Variants in UBASH3B observed in about 807,000 individuals in gnomAD.
UBASH3B encodes the protein ubiquitin-associated and SH3 domain-containing protein B.
In UBASH3B, 37 loss-of-function variants were observed where a neutral mutation model predicts 83.4. The ratio of observed to expected loss-of-function variants is 0.44; its 90% CI spans 0.34 to 0.58. The LOEUF is 0.58. UBASH3B is among the 20% of genes least tolerant of loss of function. The pLI is 0.01. For synonymous variants in UBASH3B, 304 were observed against 318.3 expected, an observed-to-expected ratio of 0.96 and a Z score of 0.48; for missense variants, 657 against 827.2, an observed-to-expected ratio of 0.79 and a Z score of 2.52.
rs188572530 is a variant in UBASH3B, at chr11:122,758,973, T to C, written c.162-17246T>C. Among the ~76,000 whole-genome samples, 83 of 152,302 alleles carry C rather than the reference T, an allele frequency of 5.4e-4. No homozygotes were observed. Among genetic ancestry groups the C allele is most frequent in the African/African-American group, 1.9e-3 (80 of 41,548 alleles). The stretch of plus-strand genomic sequence containing the variant: ...GTTTTCACTTTTTATGACTCAGCAC[T>C]CTAACTTTAGTGGCTTAAAACACAC... On this transcript the variant is annotated intron_variant, in intron 1 of 13. Coordinates refer to ENST00000284273, the MANE Select transcript of UBASH3B (RefSeq NM_032873.5). This position sits in a 1 kb window ranked among gnomAD's most constrained non-coding sequence, Gnocchi z 4.2.
At chr11:122,799,397 G>A (rs1369626156) in intron 10 of UBASH3B, among the ~76,000 whole-genome samples, 1 of 150,956 alleles carries the variant, frequency 6.6e-6, no homozygotes, top group Non-Finnish European at 1.5e-5. Context: ...TGAGGCAGGA[G>A]AATTGCTTGA....
chr11:122,700,008 G>A (rs183689992), intron 1 of UBASH3B, among the ~76,000 whole-genome samples: 68 of 152,338 alleles, frequency 4.5e-4, no homozygotes, highest in African/African-American at 1.5e-3. Context: ...ACTAGAGGTC[G>A]TGTTGTTGGT....
chr11:122,683,882 TTG>T (rs1863777574), intron 1 of UBASH3B, among the ~76,000 whole-genome samples: 1 of 152,130 alleles, frequency 6.6e-6, no homozygotes, highest in African/African-American at 2.4e-5. Flanking sequence ...TGTAATTTTC[TTG>T]TTGATGACGA....
At chr11:122,714,294 C>T (rs1247080823) in intron 1 of UBASH3B, among the ~76,000 whole-genome samples, 1 of 152,212 alleles carries the variant, frequency 6.6e-6, no homozygotes, top group Non-Finnish European at 1.5e-5. Flanking sequence ...ATCAAGACTG[C>T]GCTTGAACTC....
intron 1 of UBASH3B, among the ~76,000 whole-genome samples, chr11:122,671,796 G>A (rs1166301492): frequency 1.3e-5 from 2 of 152,248 alleles, no homozygotes; most frequent in African/African-American, 2.4e-5. Flanking sequence ...GAAGACTTCC[G>A]AATGGGATGA....
rs183362757 is a variant in UBASH3B at position 122,755,893 on chromosome 11, G to A, written c.162-20326G>A. The stretch of plus-strand genomic sequence containing the variant: ...CCCATACTCACTGATTAATTTGATT[G>A]TCTGTTTCCTGGGGCTTAGAGCTAA... On this transcript the variant is annotated intron_variant, in intron 1 of 13. Transcript: ENST00000284273. Among the ~76,000 whole-genome samples the A allele has an allele frequency of 3.2e-3, 488 of 152,234 alleles. 12 individuals carry two copies. Among genetic ancestry groups the A allele is most frequent in the Admixed American group, 0.031 (478 of 15,292 alleles).
intron 1 of UBASH3B, among the ~76,000 whole-genome samples, chr11:122,752,821 T>C (rs1260071060): frequency 6.6e-6 from 1 of 152,208 alleles, no homozygotes; most frequent in African/African-American, 2.4e-5. Context: ...CATCTAACCC[T>C]TGATAGTCTC....
At chr11:122,674,521 C>T (rs1446457273) in intron 1 of UBASH3B, among the ~76,000 whole-genome samples, 2 of 152,050 alleles carry the variant, frequency 1.3e-5, no homozygotes, top group East Asian at 1.9e-4. Flanking sequence ...CCTGGGACTA[C>T]AGGCGCCCGC....
chr11:122,689,443 G>T (rs1455303445), intron 1 of UBASH3B, among the ~76,000 whole-genome samples: 1 of 152,042 alleles, frequency 6.6e-6, no homozygotes, highest in African/African-American at 2.4e-5. Context: ...TAGCAGAGTG[G>T]GATTAAAAGC....
chr11:122,712,902 T>G (rs894214037), intron 1 of UBASH3B, among the ~76,000 whole-genome samples: 3 of 89,472 alleles, frequency 3.4e-5, no homozygotes, highest in Non-Finnish European at 4.8e-5. Flanking sequence ...GGTGGTTTTT[T>G]TTTTTTTTTT....
At chr11:122,680,168 A>G (rs1337413521) in intron 1 of UBASH3B, among the ~76,000 whole-genome samples, 1 of 152,162 alleles carries the variant, frequency 6.6e-6, no homozygotes, top group Non-Finnish European at 1.5e-5. Flanking sequence ...AAACCATCTT[A>G]GCTCACAGGC....
intron 13 of UBASH3B, among the ~76,000 whole-genome samples, chr11:122,808,538 C>G (rs1205899570): frequency 2.0e-5 from 3 of 152,184 alleles, no homozygotes; most frequent in East Asian, 1.9e-4. Flanking sequence ...GAAAGCTTAA[C>G]TCAAACACAG....
intron 1 of UBASH3B, among the ~76,000 whole-genome samples, chr11:122,701,239 A>G (rs980050696): frequency 6.6e-6 from 1 of 152,222 alleles, no homozygotes; most frequent in African/African-American, 2.4e-5. Context: ...TTGGATTACA[A>G]AGAAACAAAA....
In UBASH3B at chr11:122,777,230, C is replaced by G; in HGVS notation, c.402+20C>G. The G allele has an allele frequency of 1.3e-6, 2 of 1,594,714 alleles. No homozygotes were observed. Among genetic ancestry groups the G allele is most frequent in the Non-Finnish European group, 8.6e-7 (1 of 1,169,316 alleles). ...TTTATGGTGAGCGGCAGCGCCCCCACCCCTGGGAAGCCTGGCTCCTAGGAT... is the reference window on the plus strand; with the variant it reads ...TTTATGGTGAGCGGCAGCGCCCCCAGCCCTGGGAAGCCTGGCTCCTAGGAT... On this transcript the variant is annotated intron_variant, in intron 3 of 13. Coordinates refer to ENST00000284273, the MANE Select transcript of UBASH3B (RefSeq NM_032873.5).
At chr11:122,769,834 A>T (rs564353619) in intron 1 of UBASH3B, among the ~76,000 whole-genome samples, 23 of 152,326 alleles carry the variant, frequency 1.5e-4, no homozygotes, top group African/African-American at 5.1e-4. Flanking sequence ...GCCGACTTTT[A>T]AACTGATTTT....
chr11:122,755,726 G>A (rs10790525), intron 1 of UBASH3B, among the ~76,000 whole-genome samples: 71,820 of 151,914 alleles, frequency 0.47, 17,065 homozygotes, highest in Middle Eastern at 0.59. Flanking sequence ...GTCAAATTAG[G>A]CTTTGTCAAC....
chr11:122,687,483 T>C (rs978974190), intron 1 of UBASH3B, among the ~76,000 whole-genome samples: 8 of 152,118 alleles, frequency 5.3e-5, no homozygotes, highest in Non-Finnish European at 1.2e-4. Flanking sequence ...GGGAAAACTT[T>C]AGAACTTGAG....
intron 1 of UBASH3B, among the ~76,000 whole-genome samples, chr11:122,673,741 A>C (rs1328279588): frequency 6.6e-6 from 1 of 152,108 alleles, no homozygotes; most frequent in African/African-American, 2.4e-5. Flanking sequence ...TTTTTTTGCT[A>C]AAGAGTCCAA....
chr11:122,690,898 G>A (rs1391604352), intron 1 of UBASH3B, among the ~76,000 whole-genome samples: 2 of 152,056 alleles, frequency 1.3e-5, no homozygotes, highest in Non-Finnish European at 2.9e-5. Context: ...TAGTATTTCC[G>A]AGCTGAGGAA....
Sources: allele counts gnomAD v4.1 joint callset (sites outside exome capture counted in the v4.1 genomes callset), GRCh38; gene constraint gnomAD v4.1.1; non-coding constraint Gnocchi (gnomAD v3.1); transcripts MANE v1.5; gene names NCBI Gene and HGNC (gene_info 2026-07-23, HGNC 2026-07-21).